Variants in CSMD1 observed in about 807,000 individuals in gnomAD.
The protein encoded by CSMD1 is CUB and Sushi multiple domains 1.
CSMD1 carries 213 observed loss-of-function variants against 417.5 expected under a neutral mutation model. The ratio of observed to expected loss-of-function variants is 0.51; its 90% confidence interval spans 0.46 to 0.57. The LOEUF is 0.57. CSMD1 is among the 20% of genes least tolerant of loss of function. The pLI is 0.00. For synonymous variants in CSMD1, 2,862 were observed against 1,736.8 expected, an observed-to-expected ratio of 1.65 and a Z score of -16.11; for missense variants, 6,923 against 4,529.7, an observed-to-expected ratio of 1.53 and a Z score of -15.17.
At chr8:4,304,497 G>A (rs547925184) in intron 3 of CSMD1, among the ~76,000 whole-genome samples, 82 of 152,244 alleles carry the variant, frequency 5.4e-4, no homozygotes, top group South Asian at 1.0e-3. Context: ...TGACACAAAC[G>A]TAAGCCTTAC....
At chr8:3,242,622 G>C (rs1235442688) in intron 26 of CSMD1, among the ~76,000 whole-genome samples, 1 of 152,046 alleles carries the variant, frequency 6.6e-6, no homozygotes, top group Non-Finnish European at 1.5e-5. Context: ...TAGGTTTTAG[G>C]TCAGGTGACA....
intron 2 of CSMD1, among the ~76,000 whole-genome samples, chr8:4,486,250 CATATATATAT>C (rs376449969): frequency 7.6e-5 from 1 of 13,220 alleles, no homozygotes; most frequent in Admixed American, 9.0e-4. Context: ...TATATACATA[CATATATATAT>C]ATATATATAT....
chr8:4,301,770 G>A (rs929401933), intron 3 of CSMD1, among the ~76,000 whole-genome samples: 1 of 152,112 alleles, frequency 6.6e-6, no homozygotes, highest in African/African-American at 2.4e-5. Context: ...CTTAAACCTA[G>A]TTATCTAATT....
intron 12 of CSMD1, among the ~76,000 whole-genome samples, chr8:3,426,820 T>G (rs1231016669): frequency 2.6e-5 from 4 of 152,172 alleles, no homozygotes; most frequent in African/African-American, 4.8e-5. Context: ...TCCAAATCAC[T>G]GGATGTATTA....
chr8:4,336,075 A>G (rs555208524), intron 3 of CSMD1, among the ~76,000 whole-genome samples: 67 of 152,244 alleles, frequency 4.4e-4, no homozygotes, highest in African/African-American at 1.6e-3. Flanking sequence ...AAGTTCCACA[A>G]GACAATCCAC....
chr8:4,987,426 C>T (rs981285722), intron 1 of CSMD1, among the ~76,000 whole-genome samples: 7 of 152,146 alleles, frequency 4.6e-5, no homozygotes, highest in Admixed American at 1.3e-4. Flanking sequence ...TGCAAAGTTG[C>T]TTTAATTCCA....
intron 10 of CSMD1, among the ~76,000 whole-genome samples, chr8:3,498,048 T>C (rs1445398156): frequency 6.6e-6 from 1 of 152,230 alleles, no homozygotes. Context: ...ACAACTCTAA[T>C]GTATAGCTTT....
intron 3 of CSMD1, among the ~76,000 whole-genome samples, chr8:4,298,705 C>T (rs1797816404): frequency 6.6e-6 from 1 of 152,086 alleles, no homozygotes; most frequent in Admixed American, 6.6e-5. Flanking sequence ...TACTCTGATA[C>T]TAAATCAAGT....
chr8:3,944,134 T>C (rs530021592), intron 5 of CSMD1, among the ~76,000 whole-genome samples: 6 of 152,298 alleles, frequency 3.9e-5, no homozygotes, highest in Admixed American at 2.0e-4. Context: ...TGGGGAATCT[T>C]AGTGAAGGCT....
intron 3 of CSMD1, among the ~76,000 whole-genome samples, chr8:4,038,531 C>A (rs566743600): frequency 6.6e-6 from 1 of 152,284 alleles, no homozygotes; most frequent in African/African-American, 2.4e-5. Flanking sequence ...TTCATTTTAA[C>A]TGAATTTTAA....
intron 5 of CSMD1, among the ~76,000 whole-genome samples, chr8:3,804,131 C>A (rs980415620): frequency 1.4e-4 from 21 of 151,974 alleles, no homozygotes; most frequent in African/African-American, 5.1e-4. Flanking sequence ...AGGGTTTCAC[C>A]ATGTTGGCCA....
chr8:3,101,965 C>T (rs1024750207), intron 46 of CSMD1, among the ~76,000 whole-genome samples: 27 of 152,046 alleles, frequency 1.8e-4, no homozygotes, highest in Middle Eastern at 3.4e-3. Context: ...CCACATCTGG[C>T]TAATTTTTGT....
chr8:3,736,407 C>A (rs923366257), intron 6 of CSMD1, among the ~76,000 whole-genome samples: 5 of 150,794 alleles, frequency 3.3e-5, no homozygotes, highest in African/African-American at 1.2e-4. Context: ...CCATGCATGG[C>A]TAATGTAAAA....
At chr8:3,194,628 T>A (rs1241791168) in intron 33 of CSMD1, among the ~76,000 whole-genome samples, 3 of 62,810 alleles carry the variant, frequency 4.8e-5, no homozygotes, top group Non-Finnish European at 1.1e-4. Context: ...TGGCTAATAA[T>A]TTTTTTTTTT....
intron 3 of CSMD1, among the ~76,000 whole-genome samples, chr8:4,418,708 C>G (rs1237298): frequency 2.6e-5 from 4 of 151,990 alleles, no homozygotes; most frequent in Admixed American, 6.6e-5. Flanking sequence ...ACATTGATAT[C>G]ATCAATGATA....
intron 4 of CSMD1, among the ~76,000 whole-genome samples, chr8:4,003,620 A>T (rs1475706891): frequency 6.6e-6 from 1 of 152,232 alleles, no homozygotes; most frequent in African/African-American, 2.4e-5. Flanking sequence ...TCTAATATAC[A>T]TTAAAAAGAT....
intron 1 of CSMD1, among the ~76,000 whole-genome samples, chr8:4,663,368 C>G (rs923945778): frequency 6.6e-6 from 1 of 152,136 alleles, no homozygotes; most frequent in Non-Finnish European, 1.5e-5. Context: ...TATTTCTTTC[C>G]TCTAAGGGAC....
intron 5 of CSMD1, among the ~76,000 whole-genome samples, chr8:3,971,676 C>G (rs1477953636): frequency 6.6e-6 from 1 of 152,180 alleles, no homozygotes; most frequent in African/African-American, 2.4e-5. Flanking sequence ...TGGGGGTACT[C>G]AGAGGGAGAA....
intron 5 of CSMD1, among the ~76,000 whole-genome samples, chr8:3,814,501 C>T (rs1394601700): frequency 1.3e-5 from 2 of 152,150 alleles, no homozygotes; most frequent in East Asian, 3.9e-4. Flanking sequence ...CGAATTCATC[C>T]TCCCTTCCGT....
Sources: gnomAD v4.1 joint callset for allele counts (sites outside exome capture counted in the v4.1 genomes callset) on GRCh38, gnomAD v4.1.1 for gene constraint, MANE v1.5 for transcripts, NCBI Gene and HGNC (gene_info 2026-07-23, HGNC 2026-07-21) for gene names.